Variants in XRCC5 observed in about 807,000 individuals in gnomAD.
The protein encoded by XRCC5 is DNA repair protein Ku80.
XRCC5 carries 12 observed loss-of-function variants against 95.7 expected under a neutral mutation model. The observed-to-expected ratio is 0.13, with a 90% CI of 0.08 to 0.20. The LOEUF (loss-of-function observed/expected upper bound fraction) is 0.20. XRCC5 is among the 10% of genes least tolerant of loss of function. The pLI is 1.00. For synonymous variants in XRCC5, 281 were observed against 290.3 expected (o/e 0.97, Z 0.33); for missense variants, 595 against 873.9 (o/e 0.68, Z 4.02).
At chr2:216,114,215 T>C (rs1242838151) in intron 2 of XRCC5, among the ~76,000 whole-genome samples, 1 of 152,142 alleles carries the variant, frequency 6.6e-6, no homozygotes, top group Non-Finnish European at 1.5e-5. Context: ...CCCCTTCTAC[T>C]TGGTATGACT....
rs559579909 is a variant in XRCC5 at position 216,141,017 on chromosome 2, A to G, written c.1343-169A>G. ...TCACTCTAAATCGATCTTTTCATGG[A>G]TAAGAAAACCAAGACTTGGGTTAAA... On this transcript the variant is annotated intron_variant, in intron 12 of 20. Coordinates refer to ENST00000392132, the MANE Select transcript of XRCC5 (RefSeq NM_021141.4). Among the ~76,000 whole-genome samples the G allele has an allele frequency of 2.1e-4, 32 of 152,356 alleles. 1 individual carries two copies. Among genetic ancestry groups the G allele is most frequent in the African/African-American group, 7.5e-4 (31 of 41,584 alleles).
intron 20 of XRCC5, 95 bp from the exon 21 acceptor site, chr2:216,205,093 A>G: frequency 4.1e-6 from 6 of 1,466,414 alleles, no homozygotes; most frequent in South Asian, 1.1e-5. Flanking sequence ...ATGCCTTCCA[A>G]TGTAGAGTCA....
Position 216,204,473 on chromosome 2 carries a change from T to G in XRCC5, c.2184+77T>G, listed in dbSNP as rs1034566639. 6 of 1,478,996 alleles carry G rather than the reference T, an allele frequency of 4.1e-6. No homozygotes were observed. In the African/African-American group the frequency reaches 8.3e-5, roughly 21 times the overall value. The allele number at this position is 1,478,996 out of a possible 1,614,324, so 91.6% of individuals were successfully genotyped here. ...TGTAAATACAGCCACAAAGGCTGAT[T>G]ATCTTACACTTGTTGCTTATTTGTG... On this transcript the variant is annotated intron_variant, in intron 20 of 20. Coordinates refer to ENST00000392132, the MANE Select transcript of XRCC5 (RefSeq NM_021141.4).
At chr2:216,175,261 A>C (rs1689251390) in intron 16 of XRCC5, 6 of 418,800 alleles carry the variant, frequency 1.4e-5, no homozygotes, top group South Asian at 1.1e-4. Context: ...ACCCTCCATA[A>C]CCACCTCTGC....
At chr2:216,147,342 G>A (rs1450106806) in intron 13 of XRCC5, among the ~76,000 whole-genome samples, 3 of 152,108 alleles carry the variant, frequency 2.0e-5, no homozygotes, top group Non-Finnish European at 2.9e-5. Context: ...CTGGTGATGC[G>A]ATCGAGGAGG....
intron 13 of XRCC5, among the ~76,000 whole-genome samples, chr2:216,147,809 ACAG>A (rs759487208): frequency 6.6e-6 from 1 of 152,222 alleles, no homozygotes; most frequent in Non-Finnish European, 1.5e-5. Flanking sequence ...AGTAAAAACA[ACAG>A]CTTTGATTTA....
intron 14 of XRCC5, among the ~76,000 whole-genome samples, chr2:216,153,817 C>G (rs1001170007): frequency 1.3e-5 from 2 of 152,168 alleles, no homozygotes; most frequent in Admixed American, 6.5e-5. Context: ...TTCAGAGCCT[C>G]AAAAACTACT....
At chr2:216,198,520 G>A (rs897997901) in intron 19 of XRCC5, among the ~76,000 whole-genome samples, 1 of 151,184 alleles carries the variant, frequency 6.6e-6, no homozygotes, top group Non-Finnish European at 1.5e-5. Context: ...TTGATCCTTT[G>A]TATGAAAAAT....
rs901343447 is a variant in XRCC5 at position 216,137,084 on chromosome 2, C to A, written c.1114-4C>A. 12 of 1,611,870 alleles carry A rather than the reference C, an allele frequency of 7.4e-6. No homozygotes were observed. Among genetic ancestry groups the A allele is most frequent in the Non-Finnish European group, 1.0e-5 (12 of 1,179,034 alleles). On this transcript the variant is annotated splice_polypyrimidine_tract_variant and splice_region_variant and intron_variant, in intron 10 of 20. Transcript: ENST00000392132. Reference sequence around the variant, plus strand: ...TGTGTTAATACATCCATCTTTCTTACCAGGCAGCTGCAGTTGCACTTTCCT... The same window carrying A: ...TGTGTTAATACATCCATCTTTCTTAACAGGCAGCTGCAGTTGCACTTTCCT...
intron 6 of XRCC5, among the ~76,000 whole-genome samples, chr2:216,124,852 A>G (rs958389689): frequency 2.0e-5 from 3 of 152,180 alleles, no homozygotes; most frequent in African/African-American, 2.4e-5. Context: ...CCTATCTCCT[A>G]TCATCTTCCC....
intron 16 of XRCC5, chr2:216,175,756 T>G: frequency 2.2e-6 from 1 of 449,064 alleles, no homozygotes; most frequent in South Asian, 1.8e-5. Context: ...CACATTGCTG[T>G]GTCCACCTCT....
At chr2:216,127,455 CAG>C (rs1696916884) in intron 7 of XRCC5, 79 bp from the exon 8 acceptor site, 4 of 1,475,538 alleles carry the variant, frequency 2.7e-6, no homozygotes, top group African/African-American at 1.4e-5. Context: ...TTGTCTGTGC[CAG>C]AGAGTGTATT....
intron 14 of XRCC5, among the ~76,000 whole-genome samples, chr2:216,149,296 T>TG (rs1688698588): frequency 6.6e-6 from 1 of 151,932 alleles, no homozygotes; most frequent in Admixed American, 6.6e-5. Context: ...TTGTCAGAAT[T>TG]GAAAAAAAAA....
In XRCC5 at chr2:216,161,968, G is replaced by A. The variant is rs761692532; in HGVS notation, c.1765-11G>A. On this transcript the variant is annotated splice_polypyrimidine_tract_variant and intron_variant, in intron 15 of 20. Transcript: ENST00000392132. ...TAACCTGTAGGTTTATCATCTGTTG[G>A]TATATTTTAGGTTGGAAGTGTGAAT... The A allele has an allele frequency of 6.2e-7, 1 of 1,613,314 alleles. No individual in the cohort carries two copies. Among genetic ancestry groups the A allele is most frequent in the South Asian group, 1.1e-5 (1 of 91,064 alleles).
intron 17 of XRCC5, 82 bp from the exon 18 acceptor site, chr2:216,192,557 C>T: frequency 1.1e-6 from 1 of 909,138 alleles, no homozygotes; most frequent in Non-Finnish European, 1.6e-6. Context: ...TGATTCAGAC[C>T]AAACTTTGTT....
At chr2:216,180,361 C>T (rs1689362039) in intron 16 of XRCC5, among the ~76,000 whole-genome samples, 1 of 152,356 alleles carries the variant, frequency 6.6e-6, no homozygotes, top group Non-Finnish European at 1.5e-5. Context: ...TACAGTGGTT[C>T]ACGCCTGTAA....
intron 14 of XRCC5, among the ~76,000 whole-genome samples, chr2:216,153,392 T>A (rs1185606368): frequency 6.6e-6 from 1 of 152,222 alleles, no homozygotes; most frequent in African/African-American, 2.4e-5. Context: ...GTAGAATTTG[T>A]CCTCAGAAAC....
intron 16 of XRCC5, among the ~76,000 whole-genome samples, chr2:216,169,365 C>T (rs1363967736): frequency 1.3e-5 from 2 of 152,200 alleles, no homozygotes; most frequent in Non-Finnish European, 2.9e-5. Context: ...AATGTGCCAT[C>T]TTTGTAAAAC....
intron 8 of XRCC5, chr2:216,127,995 TTTTG>T (rs2106007324): frequency 6.3e-6 from 1 of 158,090 alleles, no homozygotes; most frequent in South Asian, 2.0e-4. Flanking sequence ...ACTAAGGTTT[TTTTG>T]TTTGTTTTAT....
Sources: gnomAD v4.1 joint callset for allele counts (sites outside exome capture counted in the v4.1 genomes callset) on GRCh38, gnomAD v4.1.1 for gene constraint, MANE v1.5 for transcripts, NCBI Gene and HGNC (gene_info 2026-07-23, HGNC 2026-07-21) for gene names.